Variants in PPARG observed in about 807,000 individuals in gnomAD.
PPARG encodes peroxisome proliferator-activated receptor gamma.
A neutral mutation model predicts 39.2 loss-of-function variants in PPARG; 17 were observed. The observed-to-expected ratio is 0.43, with a 90% confidence interval of 0.30 to 0.65. The LOEUF (loss-of-function observed/expected upper bound fraction) is 0.65. Among genes scored for constraint, PPARG ranks in the 30% least tolerant of loss-of-function variants. PPARG has a pLI of 0.13. For missense variants in PPARG, 406 were observed against 585.9 expected (o/e 0.69, Z 3.17); for synonymous variants, 223 against 215.7 (o/e 1.03, Z -0.30).
intron 4 of PPARG, among the ~76,000 whole-genome samples, chr3:12,387,687 A>G (rs1228606252): frequency 6.6e-6 from 1 of 152,124 alleles, no homozygotes; most frequent in Non-Finnish European, 1.5e-5. Flanking sequence ...CTCTGATGAT[A>G]GTTTCTTTTG....
chr3:12,406,818 AC>A (rs1283844902), intron 6 of PPARG: 1 of 151,914 alleles, frequency 6.6e-6, no homozygotes, highest in Non-Finnish European at 1.5e-5. Flanking sequence ...ATATTATGTT[AC>A]CTTTCTTTCC....
intron 4 of PPARG, among the ~76,000 whole-genome samples, 179 bp downstream of exon 4, chr3:12,381,670 T>A (rs922629558): frequency 6.6e-6 from 1 of 152,154 alleles, no homozygotes; most frequent in Admixed American, 6.6e-5. Flanking sequence ...CTTGAGCTTC[T>A]GGGCTCAAGT....
At chr3:12,428,487 G>A (rs2051535988) in intron 7 of PPARG, among the ~76,000 whole-genome samples, 1 of 152,240 alleles carries the variant, frequency 6.6e-6, no homozygotes, top group Non-Finnish European at 1.5e-5. Flanking sequence ...CCTCAGCAAG[G>A]TGCAGGGAGA....
At chr3:12,291,825 T>C (rs1020525182) in intron 1 of PPARG, among the ~76,000 whole-genome samples, 1 of 152,244 alleles carries the variant, frequency 6.6e-6, no homozygotes, top group African/African-American at 2.4e-5. Context: ...TTTCAATTAT[T>C]ATGGCTTAGG....
At chr3:12,305,105 T>C (rs1176425612) in intron 1 of PPARG, among the ~76,000 whole-genome samples, 1 of 152,154 alleles carries the variant, frequency 6.6e-6, no homozygotes, top group Non-Finnish European at 1.5e-5. Flanking sequence ...TCTCCCCTTT[T>C]TCGTTCCTGG....
intron 2 of PPARG, among the ~76,000 whole-genome samples, chr3:12,365,614 G>A (rs1490675993): frequency 1.3e-5 from 2 of 151,328 alleles, no homozygotes; most frequent in Non-Finnish European, 2.9e-5. Context: ...ATATTTTTTT[G>A]CATGTGGATG....
At chr3:12,330,426 T>C (rs533836405) in intron 2 of PPARG, among the ~76,000 whole-genome samples, 1 of 152,266 alleles carries the variant, frequency 6.6e-6, no homozygotes, top group East Asian at 1.9e-4. Flanking sequence ...ATTGGTCATT[T>C]GTATGGGTTC....
At chr3:12,288,264 G>A (rs2124909388), upstream of PPARG, among the ~76,000 whole-genome samples, 1 of 152,030 alleles carries the variant, frequency 6.6e-6, no homozygotes, top group South Asian at 2.1e-4. Context: ...GGCGGCTCAC[G>A]GGTGACCGGG....
At chr3:12,323,643 C>T (rs1272672541) in intron 2 of PPARG, among the ~76,000 whole-genome samples, 3 of 152,010 alleles carry the variant, frequency 2.0e-5, no homozygotes, top group Admixed American at 2.0e-4. Flanking sequence ...GCCTGAATGT[C>T]GTGCTGCTGG....
chr3:12,411,121 A>G (rs1217916873), intron 6 of PPARG, among the ~76,000 whole-genome samples: 2 of 152,216 alleles, frequency 1.3e-5, no homozygotes, highest in African/African-American at 2.4e-5. Flanking sequence ...CTAAAGATGT[A>G]AAAGATCTAA....
chr3:12,420,845 C>T (rs1429876436), intron 7 of PPARG, among the ~76,000 whole-genome samples: 1 of 152,200 alleles, frequency 6.6e-6, no homozygotes, highest in Non-Finnish European at 1.5e-5. Flanking sequence ...GTTCACTCAG[C>T]TCTCAAACCA....
intron 1 of PPARG, among the ~76,000 whole-genome samples, chr3:12,298,324 A>AAAAAAAAG (rs764771478): frequency 0.019 from 2,598 of 134,084 alleles, 93 homozygotes; most frequent in Admixed American, 0.033. Flanking sequence ...AAAAAAAAAA[A>AAAAAAAAG]AAAGAAATGT....
intron 2 of PPARG, among the ~76,000 whole-genome samples, chr3:12,333,464 T>G (rs185358081): frequency 4.2e-3 from 645 of 152,236 alleles, no homozygotes; most frequent in Non-Finnish European, 7.0e-3. Flanking sequence ...TATTCCTGTG[T>G]TTTTGTTGTT....
rs67976990 is a variant in PPARG, at chr3:12,330,302, T to TAAAAAA, written c.-9+17865_-9+17870dup. ...TCTACATTGCTACAACACCTTTTTTTAAAAAAAAAAAAAAAAAAAAAGCTG... is the reference window on the plus strand; with the variant it reads ...TCTACATTGCTACAACACCTTTTTTTAAAAAAAAAAAAAAAAAAAAAAAAAAAGCTG... On this transcript the variant is annotated intron_variant, in intron 2 of 7. Coordinates refer to ENST00000651735, the MANE Select transcript of PPARG (RefSeq NM_138711.6). Among the ~76,000 whole-genome samples, 358 of 121,038 alleles carry TAAAAAA rather than the reference T, an allele frequency of 3.0e-3. 1 individual carries two copies. Among genetic ancestry groups the TAAAAAA allele is most frequent in the African/African-American group, 0.011 (337 of 32,012 alleles). The allele number at this position is 121,038 out of a possible 152,430, so 79.4% of individuals were successfully genotyped here. A position where few individuals can be genotyped will look rare whatever the true frequency, so the allele number is the denominator to read the frequency against.
chr3:12,353,637 A>G (rs1428778042), intron 2 of PPARG, among the ~76,000 whole-genome samples: 1 of 152,146 alleles, frequency 6.6e-6, no homozygotes, highest in African/African-American at 2.4e-5. Context: ...AATGACTCAG[A>G]TATCCAGGTA....
chr3:12,334,509 G>T (rs2047954667), intron 2 of PPARG, among the ~76,000 whole-genome samples: 2 of 152,112 alleles, frequency 1.3e-5, no homozygotes, highest in South Asian at 2.1e-4. Flanking sequence ...GGGATTACAG[G>T]TGTGGAAGCC....
At chr3:12,358,359 A>G (rs2048732413) in intron 2 of PPARG, among the ~76,000 whole-genome samples, 1 of 152,210 alleles carries the variant, frequency 6.6e-6, no homozygotes, top group African/African-American at 2.4e-5. Context: ...TAATTGCCTG[A>G]TATGTAATAG....
At chr3:12,334,758 T>C (rs2047962604) in intron 2 of PPARG, among the ~76,000 whole-genome samples, 1 of 152,222 alleles carries the variant, frequency 6.6e-6, no homozygotes, top group Admixed American at 6.5e-5. Context: ...CTGTCCTGCA[T>C]TGTTCCAGTA....
At chr3:12,303,152 G>T (rs1490067147) in intron 1 of PPARG, among the ~76,000 whole-genome samples, 1 of 152,098 alleles carries the variant, frequency 6.6e-6, no homozygotes, top group East Asian at 1.9e-4. Flanking sequence ...GAAGACCGCT[G>T]CCCTAAAGGA....
Sources: allele counts gnomAD v4.1 joint callset (sites outside exome capture counted in the v4.1 genomes callset), GRCh38; gene constraint gnomAD v4.1.1; transcripts MANE v1.5; gene names NCBI Gene and HGNC (gene_info 2026-07-23, HGNC 2026-07-21).